Variants in DAB1 observed in about 807,000 individuals in gnomAD.
The protein encoded by DAB1 is disabled homolog 1.
DAB1 carries 15 observed loss-of-function variants against 64.6 expected under a neutral mutation model. That is an observed-to-expected ratio of 0.23 (90% CI 0.16 to 0.36). The LOEUF (loss-of-function observed/expected upper bound fraction) is 0.36, where lower values mean the gene tolerates loss of function less well. DAB1 is among the 10% of genes least tolerant of loss of function. The probability of loss-of-function intolerance (pLI) is 1.00; values close to 1 mark genes in which losing one functional copy is unlikely to be tolerated. For synonymous variants in DAB1, 235 were observed against 251.9 expected (o/e 0.93, Z 0.64); for missense variants, 596 against 706.7 (o/e 0.84, Z 1.78).
rs141725985 is a variant in DAB1, at chr1:57,438,307, G to A, written n.626-147141C>T. Among the ~76,000 whole-genome samples the A allele has an allele frequency of 6.7e-3, 1,012 of 152,114 alleles. 8 individuals carry two copies. Among genetic ancestry groups the A allele is most frequent in the African/African-American group, 0.023 (968 of 41,492 alleles). On this transcript the variant is annotated intron_variant and non_coding_transcript_variant, in intron 7 of 20. Transcript: ENST00000485760. ...GTGTGATTCCTGTTAAATGCAAGGC[G>A]TTCATACTGAGAGCTAGGGATCTCA...
At chr1:57,732,837 G>T (rs1570777549) in intron 6 of DAB1, among the ~76,000 whole-genome samples, 1 of 152,156 alleles carries the variant, frequency 6.6e-6, no homozygotes, top group Non-Finnish European at 1.5e-5. Context: ...ATCTCTGGAG[G>T]CCACAGCCAG....
At chr1:57,899,177 G>A (rs1002602452) in intron 5 of DAB1, among the ~76,000 whole-genome samples, 12 of 152,228 alleles carry the variant, frequency 7.9e-5, no homozygotes, top group African/African-American at 2.6e-4. Flanking sequence ...TCTTGCAAAC[G>A]TGTGAGTTTT....
intron 7 of DAB1, 80 bp downstream of exon 7, chr1:57,070,942 TC>T (rs1553137178): frequency 1.6e-6 from 2 of 1,226,686 alleles, no homozygotes; most frequent in Non-Finnish European, 2.4e-6. Context: ...GTCAGTGGAT[TC>T]TTCAGGTTTC....
intron 1 of DAB1, chr1:57,826,561 T>C (rs926329280): frequency 3.3e-5 from 5 of 152,250 alleles, no homozygotes; most frequent in African/African-American, 7.2e-5. Context: ...CTGTGCACCA[T>C]GGATGGAACA....
chr1:57,260,476 G>C (rs756459356), intron 2 of DAB1, among the ~76,000 whole-genome samples: 1 of 152,146 alleles, frequency 6.6e-6, no homozygotes, highest in African/African-American at 2.4e-5. Context: ...TCCACATCCA[G>C]CAGTGAAACA....
At chr1:58,417,941 C>T (rs1644737418) in intron 3 of DAB1, among the ~76,000 whole-genome samples, 1 of 152,164 alleles carries the variant, frequency 6.6e-6, no homozygotes, top group African/African-American at 2.4e-5. Flanking sequence ...ATCACAATCC[C>T]TTCAACTCTT....
At chr1:57,186,678 A>G (rs976813154) in intron 2 of DAB1, among the ~76,000 whole-genome samples, 10 of 152,240 alleles carry the variant, frequency 6.6e-5, no homozygotes, top group African/African-American at 2.4e-4. Context: ...CCACAGAGGC[A>G]TATTATTTGT....
intron 6 of DAB1, among the ~76,000 whole-genome samples, chr1:57,731,163 A>T (rs140400403): frequency 5.2e-4 from 79 of 152,370 alleles, no homozygotes; most frequent in African/African-American, 1.9e-3. Flanking sequence ...ATTTTGAGAC[A>T]AGCTACTACA....
At chr1:57,719,211 C>T (rs1034681009) in intron 6 of DAB1, among the ~76,000 whole-genome samples, 1 of 152,172 alleles carries the variant, frequency 6.6e-6, no homozygotes, top group Non-Finnish European at 1.5e-5. Flanking sequence ...ACATTGTTGG[C>T]TGATGAAATG....
Position 57,314,744 on chromosome 1 carries a change from A to G in DAB1, c.-136-23578T>C, listed in dbSNP as rs553158393. Reference sequence around the variant, plus strand: ...GCCAGCCTGGGCAACATATCAAGACATTGTCTCAGAAAAAAAAAACACAAA... The same window carrying G: ...GCCAGCCTGGGCAACATATCAAGACGTTGTCTCAGAAAAAAAAAACACAAA... On this transcript the variant is annotated intron_variant, in intron 1 of 14. Coordinates refer to ENST00000371236, the MANE Select transcript of DAB1 (RefSeq NM_001365792.1). Among the ~76,000 whole-genome samples, 4 of 151,254 alleles carry G rather than the reference A, an allele frequency of 2.6e-5. No individual in the cohort carries two copies. In the East Asian group the frequency reaches 7.8e-4, roughly 29 times the overall value.
chr1:57,579,211 T>C lies in DAB1; in HGVS notation n.625+70381A>G, dbSNP rs553291952. Among the ~76,000 whole-genome samples, 8 of 152,328 alleles carry C rather than the reference T, an allele frequency of 5.3e-5. No individual in the cohort carries two copies. In the South Asian group the frequency reaches 1.7e-3, roughly 32 times the overall value. ...AAGCCAGGGACTGAGAGCTAAAGTA[T>C]AGAATATTTGTTTTAGTTTTAGCAG... On this transcript the variant is annotated intron_variant and non_coding_transcript_variant, in intron 7 of 20. Coordinates refer to the DAB1 transcript ENST00000485760.
chr1:58,255,898 A>G (rs2100411535), intron 4 of DAB1, among the ~76,000 whole-genome samples: 1 of 152,338 alleles, frequency 6.6e-6, no homozygotes, highest in African/African-American at 2.4e-5. Flanking sequence ...TGTTTTGTAA[A>G]TAGGGAAACT....
intron 2 of DAB1, among the ~76,000 whole-genome samples, chr1:57,274,629 G>A (rs993200585): frequency 8.5e-5 from 13 of 152,182 alleles, no homozygotes; most frequent in Non-Finnish European, 1.8e-4. Flanking sequence ...TGCCCAGGCT[G>A]GAGTGCAGCT....
At chr1:57,143,066 C>T (rs896953850) in intron 3 of DAB1, among the ~76,000 whole-genome samples, 1 of 152,154 alleles carries the variant, frequency 6.6e-6, no homozygotes, top group African/African-American at 2.4e-5. Context: ...TTTGAAGCAG[C>T]AGCTGAACAT....
intron 2 of DAB1, among the ~76,000 whole-genome samples, chr1:57,229,016 G>C (rs1667475550): frequency 6.6e-6 from 1 of 152,040 alleles, no homozygotes; most frequent in Non-Finnish European, 1.5e-5. Flanking sequence ...TTTTTATAAA[G>C]TTCCAAAATA....
chr1:58,492,163 T>C (rs1645706516), intron 3 of DAB1, among the ~76,000 whole-genome samples: 1 of 152,144 alleles, frequency 6.6e-6, no homozygotes, highest in African/African-American at 2.4e-5. Flanking sequence ...CCTGAATGAC[T>C]ACTGGGTACA....
At chr1:57,357,577 T>G (rs932026832) in intron 1 of DAB1, among the ~76,000 whole-genome samples, 2 of 151,788 alleles carry the variant, frequency 1.3e-5, no homozygotes, top group African/African-American at 4.8e-5. Context: ...TGTTTCTTTT[T>G]CAGATAGTTC....
intron 5 of DAB1, among the ~76,000 whole-genome samples, chr1:58,024,722 G>T (rs1242131651): frequency 6.6e-6 from 1 of 152,156 alleles, no homozygotes; most frequent in Non-Finnish European, 1.5e-5. Flanking sequence ...GTTTCTGGAT[G>T]ATATTAACAT....
intron 4 of DAB1, among the ~76,000 whole-genome samples, chr1:58,321,226 A>C (rs941688123): frequency 8.5e-5 from 13 of 152,250 alleles, no homozygotes; most frequent in African/African-American, 3.1e-4. Flanking sequence ...TTTCCAGTTT[A>C]GATCCTAACT....
Sources: allele counts gnomAD v4.1 joint callset (sites outside exome capture counted in the v4.1 genomes callset), GRCh38; gene constraint gnomAD v4.1.1; transcripts MANE v1.5; gene names NCBI Gene and HGNC (gene_info 2026-07-23, HGNC 2026-07-21).